Variants in ZDHHC14 observed in about 807,000 individuals in gnomAD.
ZDHHC14 encodes the protein zDHHC palmitoyltransferase 14, also known as palmitoyltransferase ZDHHC14.
ZDHHC14 carries 16 observed loss-of-function variants against 47.7 expected under a neutral mutation model. That is an observed-to-expected ratio of 0.34 (90% CI 0.23 to 0.51). The LOEUF (loss-of-function observed/expected upper bound fraction) is 0.51. Among genes scored for constraint, ZDHHC14 ranks in the 20% least tolerant of loss-of-function variants. ZDHHC14 has a pLI of 0.97. For missense variants in ZDHHC14, 515 were observed against 662.5 expected (o/e 0.78, Z 2.44); for synonymous variants, 293 against 278.9 (o/e 1.05, Z -0.50).
At chr6:157,496,159 G>A (rs1038576927) in intron 1 of ZDHHC14, among the ~76,000 whole-genome samples, 7 of 152,178 alleles carry the variant, frequency 4.6e-5, no homozygotes, top group Admixed American at 6.5e-5. Flanking sequence ...GGAGCCAAGA[G>A]TCACAAACCA....
At chr6:157,660,285 C>T (rs910298308) in intron 8 of ZDHHC14, among the ~76,000 whole-genome samples, 8 of 151,952 alleles carry the variant, frequency 5.3e-5, no homozygotes, top group South Asian at 4.2e-4. Flanking sequence ...CTCCACCTCC[C>T]GAGTTCAAGC....
chr6:157,515,457 CTTT>C (rs1187323622), intron 1 of ZDHHC14, among the ~76,000 whole-genome samples: 10 of 129,446 alleles, frequency 7.7e-5, no homozygotes, highest in Non-Finnish European at 8.4e-5. Context: ...TTTTCTTTTT[CTTT>C]TTTTTTTTTT....
chr6:157,572,671 T>A (rs1386372213), intron 2 of ZDHHC14, among the ~76,000 whole-genome samples: 2 of 122,652 alleles, frequency 1.6e-5, no homozygotes, highest in Non-Finnish European at 3.2e-5. Context: ...CAGTCCCCGG[T>A]GTGTGATGTT....
intron 5 of ZDHHC14, among the ~76,000 whole-genome samples, chr6:157,643,960 T>A (rs1362141124): frequency 6.6e-6 from 1 of 152,144 alleles, no homozygotes; most frequent in Admixed American, 6.6e-5. Flanking sequence ...ATTCAGTAAA[T>A]AAATCTGGTT....
intron 2 of ZDHHC14, among the ~76,000 whole-genome samples, chr6:157,558,288 G>C (rs1208520037): frequency 1.3e-5 from 2 of 151,762 alleles, no homozygotes; most frequent in Non-Finnish European, 2.9e-5. Context: ...CTCTGAGCCA[G>C]GTGACATTCA....
intron 1 of ZDHHC14, among the ~76,000 whole-genome samples, chr6:157,480,935 AT>A (rs1294294014): frequency 6.6e-6 from 1 of 152,232 alleles, no homozygotes; most frequent in Non-Finnish European, 1.5e-5. Context: ...TTTTAAAAAA[AT>A]GTGTTTTGCA....
intron 1 of ZDHHC14, among the ~76,000 whole-genome samples, chr6:157,417,019 A>G (rs1583626797): frequency 8.2e-6 from 1 of 122,106 alleles, no homozygotes; most frequent in African/African-American, 3.3e-5. Flanking sequence ...TAGTAGAGAC[A>G]GGGTTTCACT....
chr6:157,572,444 G>A (rs1320041434), intron 2 of ZDHHC14, among the ~76,000 whole-genome samples: 1 of 152,100 alleles, frequency 6.6e-6, no homozygotes, highest in African/African-American at 2.4e-5. Flanking sequence ...GGGTTTATCT[G>A]GCCTCCCTAG....
In ZDHHC14 at chr6:157,502,675, TTTTTG is replaced by T. The variant is rs746307047; in HGVS notation, c.246-39891_246-39887del. ...TGGCTCATAGTTTTTGTTGTGTTTG[TTTTTG>T]TTTTGTTTTGTTTTGTTTGTTTGTT... On this transcript the variant is annotated intron_variant, in intron 1 of 8. Coordinates refer to ENST00000359775, the MANE Select transcript of ZDHHC14 (RefSeq NM_024630.3). This position sits in a 1 kb window ranked among gnomAD's most constrained non-coding sequence, Gnocchi z 4.0. 7.9e-5 allele frequency among the ~76,000 whole-genome samples: 12 copies of T among 152,172 alleles called. No homozygotes were observed. Among genetic ancestry groups the T allele is most frequent in the African/African-American group, 1.2e-4 (5 of 41,522 alleles).
At position 157,593,118 on chromosome 6, in the gene ZDHHC14, C is replaced by T; in HGVS notation, c.537C>T (p.Ser179=). The T allele has an allele frequency of 6.2e-7, 1 of 1,613,754 alleles. No individual in the cohort carries two copies. Among genetic ancestry groups the T allele is most frequent in the Non-Finnish European group, 8.5e-7 (1 of 1,179,766 alleles). The change falls in exon 3 of 9, where the codon TCC becomes TCT. Residue 179 remains serine (S), a synonymous_variant. Coordinates refer to ENST00000359775, the MANE Select transcript of ZDHHC14 (RefSeq NM_024630.3). The part of the protein sequence containing the change: ...TCKIFRPPRA[S]HCSLCDNCVE... Reference sequence around the variant, plus strand: ...AGATTTTCCGGCCCCCTCGCGCCTCCCATTGCAGCCTTTGTGATAACTGCG... The same window carrying T: ...AGATTTTCCGGCCCCCTCGCGCCTCTCATTGCAGCCTTTGTGATAACTGCG...
Position 157,542,488 on chromosome 6 carries a change from T to C in ZDHHC14, c.246-97T>C, listed in dbSNP as rs1162240488. The C allele has an allele frequency of 1.4e-5, 20 of 1,449,092 alleles. No homozygotes were observed. The African/African-American group carries it at 2.6e-4, about 19-fold the overall frequency. 89.8% of individuals were successfully genotyped at this position (1,449,092 alleles called of 1,614,324 possible). ...CAATTTCTCTCCTCCAAATAAGCTT[T>C]TGATTTCTTAGAAGATAAAGACTGC... On this transcript the variant is annotated intron_variant, in intron 1 of 8. Transcript: ENST00000359775.
At chr6:157,666,172 C>T (rs1011548160) in intron 8 of ZDHHC14, among the ~76,000 whole-genome samples, 20 of 152,164 alleles carry the variant, frequency 1.3e-4, no homozygotes, top group Non-Finnish European at 2.5e-4. Flanking sequence ...ATCATTTATG[C>T]TTATATCTGG....
intron 6 of ZDHHC14, 102 bp downstream of exon 6, chr6:157,645,941 C>G (rs922400152): frequency 5.0e-6 from 5 of 997,336 alleles, no homozygotes; most frequent in Non-Finnish European, 7.5e-6. Context: ...CCATACATCC[C>G]GTTCCAGATG....
At chr6:157,555,786 T>C (rs1782433160) in intron 2 of ZDHHC14, among the ~76,000 whole-genome samples, 1 of 152,158 alleles carries the variant, frequency 6.6e-6, no homozygotes, top group Non-Finnish European at 1.5e-5. Context: ...TTGAGCAGCA[T>C]CCCCACCTTC....
At chr6:157,415,218 G>T (rs1777949985) in intron 1 of ZDHHC14, among the ~76,000 whole-genome samples, 1 of 152,018 alleles carries the variant, frequency 6.6e-6, no homozygotes, top group African/African-American at 2.4e-5. Flanking sequence ...GTTCTGGGCT[G>T]TGCTAGGCTC....
chr6:157,615,786 A>AT (rs869287458), intron 3 of ZDHHC14, among the ~76,000 whole-genome samples: 1 of 102,090 alleles, frequency 9.8e-6, no homozygotes, highest in African/African-American at 4.6e-5. Flanking sequence ...AGCTGACTGC[A>AT]TTTTTGTTTT....
At chr6:157,382,684 T>C (rs148577310) in intron 1 of ZDHHC14, among the ~76,000 whole-genome samples, 7 of 152,174 alleles carry the variant, frequency 4.6e-5, no homozygotes, top group Non-Finnish European at 1.0e-4. Context: ...ACTGACTTTT[T>C]CCCCCTTGCT....
intron 7 of ZDHHC14, among the ~76,000 whole-genome samples, chr6:157,650,868 G>A (rs1225072589): frequency 1.3e-5 from 2 of 152,172 alleles, no homozygotes; most frequent in Middle Eastern, 3.2e-3. Flanking sequence ...GGCCAACAGT[G>A]AGGAGGGGAT....
At chr6:157,525,417 C>T (rs1300187358) in intron 1 of ZDHHC14, among the ~76,000 whole-genome samples, 3 of 152,138 alleles carry the variant, frequency 2.0e-5, no homozygotes, top group African/African-American at 4.8e-5. Context: ...CCCCCTCCCT[C>T]GGCCTCCCAA....
Sources: allele counts gnomAD v4.1 joint callset (sites outside exome capture counted in the v4.1 genomes callset), GRCh38; gene constraint gnomAD v4.1.1; non-coding constraint Gnocchi (gnomAD v3.1); transcripts MANE v1.5; gene names NCBI Gene and HGNC (gene_info 2026-07-23, HGNC 2026-07-21).